NKAIN3: variants seen among roughly 807,000 people sequenced by gnomAD.
The protein encoded by NKAIN3 is sodium/potassium transporting ATPase interacting 3.
Under a neutral mutation model 30.2 loss-of-function variants are expected in NKAIN3, and 25 were observed. The ratio of observed to expected loss-of-function variants is 0.83; its 90% confidence interval spans 0.60 to 1.16. The LOEUF (loss-of-function observed/expected upper bound fraction) is 1.16, where lower values mean the gene tolerates loss of function less well. Among genes scored for constraint, NKAIN3 ranks in the 50% most tolerant of loss-of-function variants. NKAIN3 has a pLI of 0.00. For synonymous variants in NKAIN3, 91 were observed against 89.6 expected, an observed-to-expected ratio of 1.02 and a Z score of -0.09; for missense variants, 225 against 254.1, an observed-to-expected ratio of 0.89 and a Z score of 0.78.
chr8:62,552,690 C>T (rs933946202), intron 1 of NKAIN3, among the ~76,000 whole-genome samples: 13 of 152,302 alleles, frequency 8.5e-5, no homozygotes, highest in Admixed American at 8.5e-4. Context: ...CAGGTCTTAA[C>T]TTTCACAAAA....
intron 1 of NKAIN3, among the ~76,000 whole-genome samples, chr8:62,508,446 A>C (rs577359348): frequency 2.0e-5 from 3 of 152,252 alleles, no homozygotes; most frequent in Non-Finnish European, 1.5e-5. Flanking sequence ...CCTTTGCTGC[A>C]CATCACAAAA....
rs149655244 is a variant in NKAIN3, at chr8:62,345,497, A to ATATG, written c.54+96373_54+96374insGTAT. Among the ~76,000 whole-genome samples, 24 of 3,298 alleles carry ATATG rather than the reference A, an allele frequency of 7.3e-3. 3 individuals carry two copies. The highest frequency in any genetic ancestry group is 0.05 in the South Asian group (2 of 40). The allele number at this position is 3,298 out of a possible 152,430, so 2.2% of individuals were successfully genotyped here. A position where few individuals can be genotyped will look rare whatever the true frequency, so the allele number is the denominator to read the frequency against. On this transcript the variant is annotated intron_variant, in intron 1 of 6. Coordinates refer to ENST00000623646, the MANE Select transcript of NKAIN3 (RefSeq NM_001304533.3). Reference sequence around the variant, plus strand: ...TACACATATATGTATATATACACACATATATACACATATATACACATATAT... The same window carrying ATATG: ...TACACATATATGTATATATACACACATATGTATATACACATATATACACATATAT...
chr8:62,353,280 A>C (rs1816239646), intron 1 of NKAIN3, among the ~76,000 whole-genome samples: 1 of 152,252 alleles, frequency 6.6e-6, no homozygotes, highest in African/African-American at 2.4e-5. Flanking sequence ...TCCTATGTAC[A>C]TTCTTAGTAA....
intron 1 of NKAIN3, among the ~76,000 whole-genome samples, chr8:62,268,452 C>T (rs184865472): frequency 6.6e-6 from 1 of 152,200 alleles, no homozygotes; most frequent in African/African-American, 2.4e-5. Context: ...AGCTGCATGA[C>T]CAGAGTCAGG....
chr8:62,334,908 C>A (rs1410932245), intron 1 of NKAIN3, among the ~76,000 whole-genome samples: 1 of 152,020 alleles, frequency 6.6e-6, no homozygotes, highest in Admixed American at 6.6e-5. Context: ...AACTGTATAT[C>A]TTAAATGACA....
chr8:62,254,560 G>A (rs1812208996), intron 1 of NKAIN3, among the ~76,000 whole-genome samples: 1 of 152,046 alleles, frequency 6.6e-6, no homozygotes, highest in African/African-American at 2.4e-5. Context: ...AAAAAACATA[G>A]AGCTGGAATC....
intron 1 of NKAIN3, among the ~76,000 whole-genome samples, chr8:62,356,488 C>G (rs1305039311): frequency 2.0e-5 from 3 of 152,178 alleles, no homozygotes; most frequent in African/African-American, 7.2e-5. Context: ...TCCACCCAGG[C>G]ACCTAAATTT....
At chr8:62,566,406 C>A (rs568593597) in intron 1 of NKAIN3, among the ~76,000 whole-genome samples, 1 of 152,102 alleles carries the variant, frequency 6.6e-6, no homozygotes, top group East Asian at 1.9e-4. Flanking sequence ...TGCCATTCAC[C>A]TTTGTACTCC....
Position 62,770,039 on chromosome 8 carries a change from A to C in NKAIN3, c.471+22910A>C, listed in dbSNP as rs141159176. Among the ~76,000 whole-genome samples the C allele has an allele frequency of 4.5e-3, 685 of 152,332 alleles. 2 individuals are homozygous for C. The highest frequency in any genetic ancestry group is 8.1e-3 in the Non-Finnish European group (549 of 68,028). On this transcript the variant is annotated intron_variant, in intron 4 of 6. Coordinates refer to ENST00000623646, the MANE Select transcript of NKAIN3 (RefSeq NM_001304533.3). ...GCTTCTAACTAATAGAATATGACAA[A>C]GATGACATGTCCATCCCACGATTTA...
intron 3 of NKAIN3, among the ~76,000 whole-genome samples, chr8:62,594,025 G>T (rs572284243): frequency 1.4e-3 from 208 of 152,000 alleles, no homozygotes; most frequent in African/African-American, 4.5e-3. Context: ...TTACCTTCTT[G>T]TTTAGCAAGT....
chr8:62,367,283 G>C (rs13267568), intron 1 of NKAIN3, among the ~76,000 whole-genome samples: 147,528 of 152,206 alleles, frequency 0.97, 71,555 homozygotes, highest in East Asian at 1. Flanking sequence ...AAAAAATAGG[G>C]TGATGTCCCT....
chr8:62,843,715 C>T (rs377089448), intron 4 of NKAIN3, among the ~76,000 whole-genome samples: 2 of 152,160 alleles, frequency 1.3e-5, no homozygotes, highest in South Asian at 4.1e-4. Flanking sequence ...TAAATTTGTG[C>T]TTTTTAAATG....
intron 4 of NKAIN3, among the ~76,000 whole-genome samples, chr8:62,870,687 C>CTA (rs1563604393): frequency 8.4e-6 from 1 of 118,518 alleles, no homozygotes. Flanking sequence ...ATATCTATAT[C>CTA]TCTCTATCTA....
intron 3 of NKAIN3, among the ~76,000 whole-genome samples, chr8:62,619,098 G>GT (rs1811547653): frequency 1.3e-5 from 2 of 152,242 alleles, no homozygotes; most frequent in South Asian, 4.1e-4. Context: ...CCAGTGCAGT[G>GT]TAACAGGTGA....
At chr8:62,509,012 T>C (rs1028229273) in intron 1 of NKAIN3, among the ~76,000 whole-genome samples, 7 of 152,168 alleles carry the variant, frequency 4.6e-5, no homozygotes, top group African/African-American at 2.4e-5. Context: ...TCTGTATATC[T>C]TTAGTGAGAA....
chr8:62,811,529 T>C (rs986281818), intron 4 of NKAIN3, among the ~76,000 whole-genome samples: 2 of 152,014 alleles, frequency 1.3e-5, no homozygotes, highest in Admixed American at 6.6e-5. Context: ...TTTGCCAGCA[T>C]TTTTCATTAT....
intron 4 of NKAIN3, among the ~76,000 whole-genome samples, chr8:62,844,598 C>G (rs1315882412): frequency 6.6e-6 from 1 of 152,130 alleles, no homozygotes; most frequent in Non-Finnish European, 1.5e-5. Flanking sequence ...TCTTTTACTT[C>G]AACGTTAACA....
intron 4 of NKAIN3, among the ~76,000 whole-genome samples, chr8:62,872,275 C>A (rs1357635157): frequency 6.6e-6 from 1 of 152,208 alleles, no homozygotes; most frequent in East Asian, 1.9e-4. Context: ...CAATGCATGA[C>A]TAGAGCATAT....
At position 62,978,585 on chromosome 8, in the gene NKAIN3, C is replaced by T. The variant is rs1464415354; in HGVS notation, c.*13178C>T. 1 of 152,348 alleles carries T rather than the reference C, an allele frequency of 6.6e-6. No homozygotes were observed. Among genetic ancestry groups the T allele is most frequent in the Non-Finnish European group, 1.5e-5 (1 of 68,098 alleles). The allele number at this position is 152,348 out of a possible 1,614,324, so 9.4% of individuals were successfully genotyped here. A position where few individuals can be genotyped will look rare whatever the true frequency, so the allele number is the denominator to read the frequency against. ...CTCCCCCAACCAAGCTTGAGCATCC[C>T]AGGTCTACTTCAGACTGCTGTGCTG... On this transcript the variant is annotated 3_prime_UTR_variant, in exon 7 of 7. Coordinates refer to ENST00000623646, the MANE Select transcript of NKAIN3 (RefSeq NM_001304533.3).
Sources: gnomAD v4.1 joint callset for allele counts (sites outside exome capture counted in the v4.1 genomes callset) on GRCh38, gnomAD v4.1.1 for gene constraint, MANE v1.5 for transcripts, NCBI Gene and HGNC (gene_info 2026-07-23, HGNC 2026-07-21) for gene names.